CCDC91: variants seen among roughly 807,000 people sequenced by gnomAD.
CCDC91 encodes the protein coiled-coil domain-containing protein 91.
A neutral mutation model predicts 63.2 loss-of-function variants in CCDC91; 48 were observed. The ratio of observed to expected loss-of-function variants is 0.76; its 90% CI spans 0.60 to 0.97. The LOEUF (loss-of-function observed/expected upper bound fraction) is 0.97. Ranked by LOEUF, CCDC91 falls within the 50% of genes least tolerant of loss-of-function variation. The pLI is 0.00. For synonymous variants in CCDC91, 167 were observed against 165.8 expected (o/e 1.01, Z -0.06); for missense variants, 500 against 494.6 (o/e 1.01, Z -0.10).
intron 1 of CCDC91, among the ~76,000 whole-genome samples, chr12:28,228,476 G>A (rs990556548): frequency 2.6e-5 from 4 of 152,044 alleles, no homozygotes; most frequent in African/African-American, 9.7e-5. Flanking sequence ...AACATTTGTT[G>A]CATAGATTAC....
chr12:28,210,872 T>C (rs534804781), intron 1 of CCDC91, among the ~76,000 whole-genome samples: 1 of 151,986 alleles, frequency 6.6e-6, no homozygotes, highest in South Asian at 2.1e-4. Context: ...TGAGACAGTA[T>C]TGCCAAATAG....
chr12:28,430,379 T>C (rs1948566044), intron 8 of CCDC91, among the ~76,000 whole-genome samples: 1 of 152,054 alleles, frequency 6.6e-6, no homozygotes, highest in African/African-American at 2.4e-5. Flanking sequence ...TTGTATGATT[T>C]CCAAAATCAG....
chr12:28,439,474 A>G lies in CCDC91; in HGVS notation c.763-10687A>G, dbSNP rs1441796795. On this transcript the variant is annotated intron_variant, in intron 8 of 12. Coordinates refer to ENST00000536442, the MANE Select transcript of CCDC91 (RefSeq NM_018318.5). ...ATCTTACTCAATGTTTAAGCTTTAT[A>G]GAAGGTAAAATAAGATGCTCATGAG... Among the ~76,000 whole-genome samples the G allele has an allele frequency of 2.6e-5, 4 of 152,148 alleles. No individual in the cohort carries two copies. In the East Asian group the frequency reaches 7.7e-4, roughly 29 times the overall value.
chr12:28,444,335 A>G (rs1454928566), intron 8 of CCDC91, among the ~76,000 whole-genome samples: 1 of 152,182 alleles, frequency 6.6e-6, no homozygotes. Context: ...TCGTATTTCA[A>G]TTGTGATGGG....
At chr12:28,351,303 C>G (rs1428450637) in intron 6 of CCDC91, among the ~76,000 whole-genome samples, 1 of 152,132 alleles carries the variant, frequency 6.6e-6, no homozygotes, top group South Asian at 2.1e-4. Context: ...ATCAGATTCC[C>G]GTCTGAAAGA....
chr12:28,224,036 C>T (rs1301286336), intron 1 of CCDC91, among the ~76,000 whole-genome samples: 2 of 152,174 alleles, frequency 1.3e-5, no homozygotes, highest in East Asian at 3.8e-4. Flanking sequence ...CTCCACAAAT[C>T]AGTGACCAGA....
At chr12:28,339,750 A>G (rs73083970) in intron 6 of CCDC91, among the ~76,000 whole-genome samples, 2,440 of 152,088 alleles carry the variant, frequency 0.016, 22 homozygotes, top group African/African-American at 0.028. Flanking sequence ...CTGACAGACA[A>G]CTCTGGAGAA....
At chr12:28,519,938 A>G (rs902557680) in intron 12 of CCDC91, among the ~76,000 whole-genome samples, 1 of 151,880 alleles carries the variant, frequency 6.6e-6, no homozygotes, top group Non-Finnish European at 1.5e-5. Flanking sequence ...CATGGTGTAT[A>G]TGATGTGCCA....
At chr12:28,371,791 C>A (rs1209002232) in intron 7 of CCDC91, among the ~76,000 whole-genome samples, 2 of 152,170 alleles carry the variant, frequency 1.3e-5, no homozygotes, top group Non-Finnish European at 2.9e-5. Context: ...CTTGAACAAT[C>A]TCAGATTTTC....
intron 11 of CCDC91, among the ~76,000 whole-genome samples, chr12:28,483,106 T>G (rs1951536128): frequency 6.6e-6 from 1 of 151,962 alleles, no homozygotes; most frequent in Non-Finnish European, 1.5e-5. Flanking sequence ...GTAAATAGAT[T>G]TGAAATAGAG....
chr12:28,371,666 C>T (rs1305673684), intron 7 of CCDC91, among the ~76,000 whole-genome samples: 2 of 152,180 alleles, frequency 1.3e-5, no homozygotes, highest in East Asian at 3.8e-4. Context: ...AATTACTGCT[C>T]CCTCCATACC....
intron 12 of CCDC91, among the ~76,000 whole-genome samples, chr12:28,532,112 A>G (rs896497114): frequency 6.6e-6 from 1 of 152,154 alleles, no homozygotes; most frequent in African/African-American, 2.4e-5. Context: ...CACAACATAT[A>G]CAAAAGCCTG....
chr12:28,194,613 C>A (rs985831504), intron 1 of CCDC91, among the ~76,000 whole-genome samples: 1 of 151,496 alleles, frequency 6.6e-6, no homozygotes, highest in Non-Finnish European at 1.5e-5. Flanking sequence ...TTGCTGGCTT[C>A]AGGAGTGAAG....
intron 11 of CCDC91, among the ~76,000 whole-genome samples, chr12:28,481,070 A>G (rs11049655): frequency 0.088 from 13,335 of 152,052 alleles, 1,797 homozygotes; most frequent in African/African-American, 0.29. Flanking sequence ...GATTCCAGTC[A>G]TTTATTTTTA....
rs575535667 is a variant in CCDC91, at chr12:28,484,128, G to C, written c.1178G>C (p.Arg393Thr). 10 of 1,610,252 alleles carry C rather than the reference G, an allele frequency of 6.2e-6. No homozygotes were observed. The highest frequency in any genetic ancestry group is 4.5e-5 in the East Asian group (2 of 44,660). ...KAVEEAVKRT[R>T]DELIEYIKEQ... is the part of the protein sequence containing the mutation. ...GTGGAAGAGGCAGTGAAAAGAACAA[G>C]AGATGAATTGATAGAGTATATAAAA... Residue 393 changes from arginine to threonine, a missense_variant, in exon 12 of 13, where the codon AGA (arginine) becomes ACA (threonine). Transcript: ENST00000536442.
chr12:28,282,974 C>T (rs1948696824), intron 3 of CCDC91, among the ~76,000 whole-genome samples: 1 of 151,888 alleles, frequency 6.6e-6, no homozygotes, highest in Non-Finnish European at 1.5e-5. Flanking sequence ...GTGTCCTTTC[C>T]CAAATTTATA....
chr12:28,350,789 T>C (rs11049548), intron 6 of CCDC91, among the ~76,000 whole-genome samples: 30,783 of 152,118 alleles, frequency 0.2, 4,092 homozygotes, highest in Non-Finnish European at 0.3. Context: ...TATGACTGAC[T>C]CCAATTTCTG....
intron 3 of CCDC91, among the ~76,000 whole-genome samples, chr12:28,296,851 A>G (rs182283514): frequency 1.1e-4 from 16 of 152,016 alleles, no homozygotes; most frequent in Non-Finnish European, 2.9e-5. Context: ...GTTTTTTCAT[A>G]ACAGTGATTT....
Position 28,381,385 on chromosome 12 carries a change from A to AT in CCDC91, c.655-9910dup, listed in dbSNP as rs555617761. On this transcript the variant is annotated intron_variant, in intron 7 of 12. Coordinates refer to ENST00000536442, the MANE Select transcript of CCDC91 (RefSeq NM_018318.5). Reference sequence around the variant, plus strand: ...TAATAATTTGCCTTATCAAAATATCATTTTTTTTTGTCATGGTAACATATG... The same window carrying AT: ...TAATAATTTGCCTTATCAAAATATCATTTTTTTTTTGTCATGGTAACATATG... 1.8e-3 allele frequency among the ~76,000 whole-genome samples: 275 copies of AT among 151,224 alleles called. 2 individuals are homozygous for AT. The highest frequency in any genetic ancestry group is 5.9e-3 in the African/African-American group (242 of 41,288).
Sources: allele counts gnomAD v4.1 joint callset (sites outside exome capture counted in the v4.1 genomes callset), GRCh38; gene constraint gnomAD v4.1.1; transcripts MANE v1.5; gene names NCBI Gene and HGNC (gene_info 2026-07-23, HGNC 2026-07-21).